Variants in VOPP1 observed in about 807,000 individuals in gnomAD.
The protein encoded by VOPP1 is VOPP1 WW domain binding protein.
In VOPP1, 8 loss-of-function variants were observed where a neutral mutation model predicts 23.5. The ratio of observed to expected loss-of-function variants is 0.34; its 90% confidence interval spans 0.20 to 0.61. The LOEUF is 0.61. VOPP1 is among the 20% of genes least tolerant of loss of function. The pLI is 0.78. For synonymous variants in VOPP1, 83 were observed against 97.3 expected (o/e 0.85, Z 0.86); for missense variants, 174 against 238.1 (o/e 0.73, Z 1.77).
At chr7:55,498,234 A>G (rs138534256) in intron 2 of VOPP1, among the ~76,000 whole-genome samples, 1,675 of 152,356 alleles carry the variant, frequency 0.011, 11 homozygotes, top group Middle Eastern at 0.02. Context: ...CAGCAAAATG[A>G]GTGGAACTGC....
chr7:55,445,639 G>T (rs1365053756), intron 4 of VOPP1, among the ~76,000 whole-genome samples: 1 of 152,148 alleles, frequency 6.6e-6, no homozygotes, highest in Non-Finnish European at 1.5e-5. Flanking sequence ...CTCCAGGACT[G>T]TTGTATGGAG....
At position 55,472,878 on chromosome 7, in the gene VOPP1, C is replaced by T. The variant is rs778245022; in HGVS notation, c.496G>A (p.Glu166Lys). The change falls in exon 5 of 5, where the codon GAA becomes AAA. Residue 166 changes from glutamate (E) to lysine (K), a missense_variant. Glu to Lys is a moderately conservative substitution (Grantham distance 56, BLOSUM62 1). Transcript: ENST00000285279. ...CACTACTTGGCCTTCACTACCTGTTCGTACGGGGGCGGAGGCGTGTTGCAG... is the reference window on the plus strand; with the variant it reads ...CACTACTTGGCCTTCACTACCTGTTTGTACGGGGGCGGAGGCGTGTTGCAG... ...AYCNTPPPPY[E>K]QVVKAK 7.1e-6 allele frequency: 10 copies of T among 1,407,912 alleles called. No individual in the cohort carries two copies. Among genetic ancestry groups the T allele is most frequent in the Admixed American group, 6.8e-5 (2 of 29,430 alleles). The allele number at this position is 1,407,912 out of a possible 1,614,324, so 87.2% of individuals were successfully genotyped here. A position where few individuals can be genotyped will look rare whatever the true frequency, so the allele number is the denominator to read the frequency against.
At chr7:55,543,109 G>GTTTCACCGT (rs1402735553) in intron 1 of VOPP1, among the ~76,000 whole-genome samples, 1 of 151,914 alleles carries the variant, frequency 6.6e-6, no homozygotes, top group African/African-American at 2.4e-5. Context: ...TAGAGACAGG[G>GTTTCACCGT]TTTCACCGTG....
downstream of VOPP1, among the ~76,000 whole-genome samples, chr7:55,466,647 C>G (rs1043670392): frequency 1.8e-4 from 27 of 152,158 alleles, no homozygotes; most frequent in African/African-American, 6.5e-4. Flanking sequence ...CTATGAACAT[C>G]TTATTTTTTT....
At chr7:55,442,066 G>C (rs1217217966) in intron 4 of VOPP1, among the ~76,000 whole-genome samples, 1 of 152,132 alleles carries the variant, frequency 6.6e-6, no homozygotes, top group Non-Finnish European at 1.5e-5. Context: ...TATTGAGCTG[G>C]GCACTGTGCA....
intron 2 of VOPP1, among the ~76,000 whole-genome samples, chr7:55,515,327 G>A (rs1232560497): frequency 1.3e-5 from 2 of 152,150 alleles, no homozygotes; most frequent in East Asian, 3.8e-4. Flanking sequence ...TCAAAGATGG[G>A]CTGGGAAAGG....
chr7:55,567,699 C>A (rs534456007), intron 1 of VOPP1, among the ~76,000 whole-genome samples: 12 of 152,270 alleles, frequency 7.9e-5, no homozygotes, highest in African/African-American at 2.6e-4. Flanking sequence ...CTCTTGCCAG[C>A]CGGTTCATTT....
At chr7:55,548,100 G>A (rs994544160) in intron 1 of VOPP1, among the ~76,000 whole-genome samples, 3 of 152,154 alleles carry the variant, frequency 2.0e-5, no homozygotes, top group South Asian at 2.1e-4. Context: ...ACACTCAGTG[G>A]GATGCAAAAT....
At chr7:55,483,404 G>T (rs1363676281) in intron 4 of VOPP1, among the ~76,000 whole-genome samples, 1 of 152,124 alleles carries the variant, frequency 6.6e-6, no homozygotes, top group Non-Finnish European at 1.5e-5. Flanking sequence ...CCTCATTACA[G>T]AGGGGGAATC....
chr7:55,448,413 C>T (rs956568283), intron 4 of VOPP1, among the ~76,000 whole-genome samples: 1 of 152,160 alleles, frequency 6.6e-6, no homozygotes, highest in African/African-American at 2.4e-5. Flanking sequence ...ATAGGGACCT[C>T]ATTTCTATTT....
downstream of VOPP1, among the ~76,000 whole-genome samples, chr7:55,467,914 C>T (rs1791672008): frequency 6.6e-6 from 1 of 152,218 alleles, no homozygotes; most frequent in Non-Finnish European, 1.5e-5. Context: ...ACAAGCTAAA[C>T]TGGTATTTTC....
At chr7:55,467,673 T>A (rs745357099), downstream of VOPP1, among the ~76,000 whole-genome samples, 1 of 152,274 alleles carries the variant, frequency 6.6e-6, no homozygotes, top group Non-Finnish European at 1.5e-5. Context: ...TCTCAAGTCA[T>A]GACATTTGCC....
At chr7:55,553,295 G>A (rs568648943) in intron 1 of VOPP1, among the ~76,000 whole-genome samples, 2 of 152,250 alleles carry the variant, frequency 1.3e-5, no homozygotes, top group South Asian at 2.1e-4. Flanking sequence ...TTATTGGGGA[G>A]AAATTTTCAT....
At chr7:55,462,655 A>ATT (rs1191796338) in intron 4 of VOPP1, among the ~76,000 whole-genome samples, 1,816 of 122,594 alleles carry the variant, frequency 0.015, 53 homozygotes, top group Middle Eastern at 0.027. Flanking sequence ...TCTTGATTAT[A>ATT]TTTTTTTTTT....
intron 2 of VOPP1, among the ~76,000 whole-genome samples, chr7:55,504,219 C>G (rs1794557319): frequency 6.6e-6 from 1 of 152,226 alleles, no homozygotes; most frequent in African/African-American, 2.4e-5. Context: ...CTGCCCCTGC[C>G]AGCTAACCCT....
At chr7:55,501,242 C>A (rs991003214) in intron 2 of VOPP1, among the ~76,000 whole-genome samples, 1 of 151,986 alleles carries the variant, frequency 6.6e-6, no homozygotes, top group Non-Finnish European at 1.5e-5. Flanking sequence ...AATAAAGATG[C>A]GATATGAGGT....
intron 4 of VOPP1, among the ~76,000 whole-genome samples, chr7:55,449,634 A>G (rs1388505146): frequency 6.6e-6 from 1 of 152,162 alleles, no homozygotes; most frequent in African/African-American, 2.4e-5. Context: ...CCTCCCTGTG[A>G]CTGGCTGGGG....
At chr7:55,537,677 T>G in intron 1 of VOPP1, 1 of 1,478,728 alleles carries the variant, frequency 6.8e-7, no homozygotes, top group African/African-American at 1.4e-5. Context: ...CCTCCTCTGT[T>G]GAGTGGTGAG....
chr7:55,538,740 A>AC, intron 1 of VOPP1: 2 of 1,322,614 alleles, frequency 1.5e-6, no homozygotes, highest in South Asian at 2.6e-5. Context: ...GGCCATTCCT[A>AC]TAAAGGAACG....
Sources: allele counts gnomAD v4.1 joint callset (sites outside exome capture counted in the v4.1 genomes callset), GRCh38; gene constraint gnomAD v4.1.1; transcripts MANE v1.5; gene names NCBI Gene and HGNC (gene_info 2026-07-23, HGNC 2026-07-21).